CACNA1C: variants seen among roughly 807,000 people sequenced by gnomAD.
The protein encoded by CACNA1C is voltage-dependent L-type calcium channel subunit alpha-1C.
CACNA1C carries 30 observed loss-of-function variants against 229.0 expected under a neutral mutation model. That is an observed-to-expected ratio of 0.13 (90% CI 0.10 to 0.18). The LOEUF is 0.18. Ranked by LOEUF, CACNA1C falls within the 10% of genes least tolerant of loss-of-function variation. CACNA1C has a pLI of 1.00. For synonymous variants in CACNA1C, 1,114 were observed against 1,132.5 expected, an observed-to-expected ratio of 0.98 and a Z score of 0.33; for missense variants, 1,658 against 2,845.0, an observed-to-expected ratio of 0.58 and a Z score of 9.49.
At position 2,602,447 on chromosome 12, in the gene CACNA1C, C is replaced by A. The variant is rs542958618; in HGVS notation, c.2960+487C>A. Reference sequence around the variant, plus strand: ...TGTAAGTGTGGGGTGTATGTGTGCACGTGTGTGGATGTGTGGGGTGTGTGT... The same window carrying A: ...TGTAAGTGTGGGGTGTATGTGTGCAAGTGTGTGGATGTGTGGGGTGTGTGT... On this transcript the variant is annotated intron_variant, in intron 22 of 46. Transcript: ENST00000399655. The surrounding 1 kb of genome is among the most constrained non-coding windows in gnomAD (Gnocchi z 4.4). Among the ~76,000 whole-genome samples, 1 of 151,498 alleles carries A rather than the reference C, an allele frequency of 6.6e-6. No individual in the cohort carries two copies. The highest frequency in any genetic ancestry group is 2.1e-4 in the South Asian group (1 of 4,802).
At chr12:2,004,430 A>G (rs958393897) in intron 1 of CACNA1C, 1 of 1,608,286 alleles carries the variant, frequency 6.2e-7, no homozygotes. Context: ...CACGGCTGCC[A>G]TCTTCCCTCC....
At chr12:2,405,248 A>G (rs1270706007) in intron 3 of CACNA1C, among the ~76,000 whole-genome samples, 1 of 152,252 alleles carries the variant, frequency 6.6e-6, no homozygotes, top group Admixed American at 6.5e-5. Context: ...CCATATGTAC[A>G]TAACGATGGC....
rs928285154 is a variant in CACNA1C, at chr12:2,141,856, T to A, written c.477+21426T>A. ...CATTTTCAAGCTCAACCCTTTCCTTTATGGCAGCTGGGGTGGGTGACCAGC... is the reference window on the plus strand; with the variant it reads ...CATTTTCAAGCTCAACCCTTTCCTTAATGGCAGCTGGGGTGGGTGACCAGC... On this transcript the variant is annotated intron_variant, in intron 3 of 46. Transcript: ENST00000399655. 3.3e-5 allele frequency among the ~76,000 whole-genome samples: 5 copies of A among 151,260 alleles called. No individual in the cohort carries two copies. In the South Asian group the frequency reaches 1.0e-3, roughly 32 times the overall value.
chr12:1,993,582 T>A (rs951778967), intron 1 of CACNA1C, among the ~76,000 whole-genome samples: 5 of 151,976 alleles, frequency 3.3e-5, no homozygotes, highest in African/African-American at 1.2e-4. Flanking sequence ...GCAGCAGCAC[T>A]GGCATGATGA....
intron 3 of CACNA1C, among the ~76,000 whole-genome samples, chr12:2,281,650 C>G (rs2091311961): frequency 6.6e-6 from 1 of 152,138 alleles, no homozygotes; most frequent in Non-Finnish European, 1.5e-5. Context: ...CCTGCTGTCC[C>G]TCTTGTCTGT....
intron 3 of CACNA1C, among the ~76,000 whole-genome samples, chr12:2,240,624 C>A (rs1159014073): frequency 6.6e-6 from 1 of 152,216 alleles, no homozygotes. Flanking sequence ...CAGCGTTGGG[C>A]ACACCATCCC....
intron 3 of CACNA1C, among the ~76,000 whole-genome samples, chr12:2,162,139 T>A (rs1353662468): frequency 6.6e-6 from 1 of 152,154 alleles, no homozygotes. Flanking sequence ...ACTGCTCCTG[T>A]CTACCTGTCT....
intron 3 of CACNA1C, among the ~76,000 whole-genome samples, chr12:2,355,894 A>G (rs2097347449): frequency 6.6e-6 from 1 of 152,136 alleles, no homozygotes; most frequent in African/African-American, 2.4e-5. Context: ...AGAGATCTAC[A>G]AGCCTCCGTG....
chr12:2,301,762 C>T (rs930395882), intron 3 of CACNA1C, among the ~76,000 whole-genome samples: 5 of 152,160 alleles, frequency 3.3e-5, no homozygotes, highest in Non-Finnish European at 7.4e-5. Context: ...CTTCCATCTG[C>T]CTGTTCATTT....
chr12:2,291,351 G>A (rs916474954), intron 3 of CACNA1C, among the ~76,000 whole-genome samples: 5 of 152,078 alleles, frequency 3.3e-5, no homozygotes, highest in African/African-American at 1.2e-4. Flanking sequence ...GCTTCTCAAG[G>A]GCCTACTCCG....
Position 2,678,583 on chromosome 12 carries a change from G to T in CACNA1C, c.5091+716G>T, listed in dbSNP as rs12829506. Among the ~76,000 whole-genome samples the T allele has an allele frequency of 0.059, 8,993 of 152,254 alleles. 370 individuals carry two copies. Among genetic ancestry groups the T allele is most frequent in the Admixed American group, 0.12 (1,863 of 15,284 alleles). On this transcript the variant is annotated intron_variant, in intron 41 of 46. Coordinates refer to ENST00000399655, the MANE Select transcript of CACNA1C (RefSeq NM_000719.7). The surrounding 1 kb of genome is among the most constrained non-coding windows in gnomAD (Gnocchi z 4.1). ...AATTGTGCAGGACCCTGCTCACACC[G>T]CTCTCTCCCGGCCGCGGGCCCAGTT...
Position 2,633,848 on chromosome 12 carries a change from C to A in CACNA1C, c.3829-449C>A. On this transcript the variant is annotated intron_variant, in intron 29 of 46. Transcript: ENST00000399655. The surrounding 1 kb of genome is among the most constrained non-coding windows in gnomAD (Gnocchi z 5.8). ...TTTCCTGTTTTTACCCGCCTCCAGT[C>A]ATGCCTTTTATTGAACCTGCCGTCG... 1.6e-6 allele frequency: 1 copy of A among 627,052 alleles called. No individual in the cohort carries two copies. Among genetic ancestry groups the A allele is most frequent in the South Asian group, 2.0e-5 (1 of 48,906 alleles). 38.8% of individuals were successfully genotyped at this position (627,052 alleles called of 1,614,324 possible).
intron 8 of CACNA1C, among the ~76,000 whole-genome samples, chr12:2,509,690 A>G (rs964481589): frequency 2.0e-5 from 3 of 152,168 alleles, no homozygotes; most frequent in African/African-American, 7.2e-5. Context: ...GCTTGGGGCC[A>G]TTTTAAACAG....
At chr12:1,976,351 A>G (rs1484905806) in intron 1 of CACNA1C, among the ~76,000 whole-genome samples, 1 of 152,188 alleles carries the variant, frequency 6.6e-6, no homozygotes, top group African/African-American at 2.4e-5. Flanking sequence ...CCACATTATG[A>G]TTTTTAAATT....
At chr12:2,158,594 C>T (rs1483993373) in intron 3 of CACNA1C, among the ~76,000 whole-genome samples, 5 of 152,122 alleles carry the variant, frequency 3.3e-5, no homozygotes, top group Admixed American at 1.3e-4. Flanking sequence ...CTGATTTACC[C>T]GCAGCCATGT....
At chr12:2,170,365 T>C (rs1051944603) in intron 3 of CACNA1C, among the ~76,000 whole-genome samples, 3 of 152,158 alleles carry the variant, frequency 2.0e-5, no homozygotes, top group African/African-American at 7.2e-5. Context: ...GAGGGAAATG[T>C]CCATTTTAGA....
At chr12:2,531,412 C>T (rs1175563263) in intron 9 of CACNA1C, among the ~76,000 whole-genome samples, 2 of 152,162 alleles carry the variant, frequency 1.3e-5, no homozygotes, top group African/African-American at 4.8e-5. Flanking sequence ...CCTAAACAAC[C>T]CTTTCCTCTC....
chr12:2,160,163 T>C (rs1212702049), intron 3 of CACNA1C, among the ~76,000 whole-genome samples: 4 of 152,178 alleles, frequency 2.6e-5, no homozygotes, highest in African/African-American at 4.8e-5. Context: ...AGGTCTTACT[T>C]AATGCTTCTC....
chr12:2,540,443 G>A (rs2099866901), intron 9 of CACNA1C, among the ~76,000 whole-genome samples: 1 of 152,124 alleles, frequency 6.6e-6, no homozygotes, highest in Admixed American at 6.5e-5. Flanking sequence ...CCTCTGAGAA[G>A]GGATGAAATT....
Sources: gnomAD v4.1 joint callset for allele counts (sites outside exome capture counted in the v4.1 genomes callset) on GRCh38, gnomAD v4.1.1 for gene constraint, Gnocchi (gnomAD v3.1) non-coding constraint, MANE v1.5 for transcripts, NCBI Gene and HGNC (gene_info 2026-07-23, HGNC 2026-07-21) for gene names.